Variants in SGPL1 observed in about 807,000 individuals in gnomAD.
The protein encoded by SGPL1 is sphingosine-1-phosphate lyase 1, also known as SP-lyase 1.
A neutral mutation model predicts 68.9 loss-of-function variants in SGPL1; 37 were observed. The ratio of observed to expected loss-of-function variants is 0.54; its 90% CI spans 0.41 to 0.71. The LOEUF is 0.71. Among genes scored for constraint, SGPL1 ranks in the 30% least tolerant of loss-of-function variants. SGPL1 has a pLI of 0.00. For missense variants in SGPL1, 551 were observed against 704.6 expected (o/e 0.78, Z 2.47); for synonymous variants, 236 against 248.5 (o/e 0.95, Z 0.47).
intron 4 of SGPL1, 77 bp from the exon 5 acceptor site, chr10:70,854,630 TG>T: frequency 7.7e-7 from 1 of 1,304,674 alleles, no homozygotes; most frequent in Non-Finnish European, 1.1e-6. Context: ...ATTGAGCAGT[TG>T]CTTGACTGTC....
intron 2 of SGPL1, among the ~76,000 whole-genome samples, chr10:70,830,170 C>A (rs997937987): frequency 1.3e-5 from 2 of 152,158 alleles, no homozygotes; most frequent in African/African-American, 4.8e-5. Context: ...GCTGAAGGGA[C>A]ATTTGGTGAA....
intron 2 of SGPL1, among the ~76,000 whole-genome samples, chr10:70,829,341 G>C (rs1845493529): frequency 6.6e-6 from 1 of 152,172 alleles, no homozygotes; most frequent in Non-Finnish European, 1.5e-5. Context: ...ACCACCGTCT[G>C]TAAGAAAATA....
At chr10:70,844,856 C>T (rs569488362) in intron 3 of SGPL1, among the ~76,000 whole-genome samples, 2 of 152,266 alleles carry the variant, frequency 1.3e-5, no homozygotes, top group East Asian at 3.9e-4. Context: ...TCTCCTACCT[C>T]GGCCTCCCGA....
At chr10:70,851,245 C>G in intron 4 of SGPL1, 35 bp downstream of exon 4, 3 of 1,499,448 alleles carry the variant, frequency 2.0e-6, no homozygotes, top group Non-Finnish European at 2.8e-6. Flanking sequence ...TTTTTCCCCT[C>G]TTGATAATCA....
At position 70,844,657 on chromosome 10, in the gene SGPL1, CTG is replaced by C. The variant is rs1207801414; in HGVS notation, c.193+21_193+22del. On this transcript the variant is annotated intron_variant, in intron 3 of 14. Coordinates refer to ENST00000373202, the MANE Select transcript of SGPL1 (RefSeq NM_003901.4). ...CCAGAGAGTAAGTATGCTGTCTCCT[CTG>C]TAAAGGTATAGTGGTGTGTCACTAG... is the stretch of plus-strand genomic sequence containing the variant. 4 of 1,610,638 alleles carry C rather than the reference CTG, an allele frequency of 2.5e-6. No individual in the cohort carries two copies. The highest frequency in any genetic ancestry group is 3.4e-6 in the Non-Finnish European group (4 of 1,177,760).
At chr10:70,856,289 C>T (rs1326319057) in intron 5 of SGPL1, among the ~76,000 whole-genome samples, 1 of 152,186 alleles carries the variant, frequency 6.6e-6, no homozygotes, top group Non-Finnish European at 1.5e-5. Context: ...AGCCACTGTG[C>T]TCGGCCTTGA....
intron 3 of SGPL1, among the ~76,000 whole-genome samples, chr10:70,850,851 C>T (rs528513387): frequency 1.5e-5 from 2 of 136,134 alleles, no homozygotes; most frequent in South Asian, 4.5e-4. Flanking sequence ...CACGTGTATG[C>T]ATAAGGAAAC....
intron 13 of SGPL1, 22 bp from the exon 14 acceptor site, chr10:70,876,519 C>T (rs775538771): frequency 2.5e-6 from 4 of 1,598,856 alleles, no homozygotes; most frequent in Non-Finnish European, 3.4e-6. Context: ...AGGTTCATCT[C>T]TCTCTGTCTC....
intron 3 of SGPL1, among the ~76,000 whole-genome samples, chr10:70,846,966 T>C (rs2131889327): frequency 6.6e-6 from 1 of 152,278 alleles, no homozygotes; most frequent in Middle Eastern, 3.4e-3. Flanking sequence ...GCTTAGCTAA[T>C]AGTAGAGACA....
Position 70,854,660 on chromosome 10 carries a change from C to G in SGPL1, c.262-48C>G, listed in dbSNP as rs375210859. 357 of 1,554,796 alleles carry G rather than the reference C, an allele frequency of 2.3e-4. 3 individuals carry two copies. Among genetic ancestry groups the G allele is most frequent in the South Asian group, 1.4e-3 (110 of 81,442 alleles). ...GACTGTCATAATAATTCTGCTGTCT[C>G]TACTGTACTCTTGCATCTGGATAAC... On this transcript the variant is annotated intron_variant, in intron 4 of 14. Coordinates refer to ENST00000373202, the MANE Select transcript of SGPL1 (RefSeq NM_003901.4).
intron 7 of SGPL1, among the ~76,000 whole-genome samples, chr10:70,862,540 G>A (rs1378703141): frequency 4.6e-5 from 7 of 152,192 alleles, no homozygotes; most frequent in South Asian, 2.1e-4. Context: ...TTGTTCTTTC[G>A]CTCTTTGCAA....
intron 2 of SGPL1, among the ~76,000 whole-genome samples, chr10:70,844,217 C>T (rs1170645507): frequency 6.6e-6 from 1 of 152,136 alleles, no homozygotes; most frequent in Admixed American, 6.5e-5. Context: ...TCTAGCTTAA[C>T]CCTCTTACTG....
At chr10:70,846,658 A>G (rs1254695833) in intron 3 of SGPL1, among the ~76,000 whole-genome samples, 3 of 152,216 alleles carry the variant, frequency 2.0e-5, no homozygotes, top group Non-Finnish European at 2.9e-5. Flanking sequence ...CAAATGTACT[A>G]CAATTCAAAG....
chr10:70,846,274 C>G (rs1358230704), intron 3 of SGPL1, among the ~76,000 whole-genome samples: 5 of 152,184 alleles, frequency 3.3e-5, no homozygotes, highest in African/African-American at 9.7e-5. Context: ...TGTCCTTCTG[C>G]TCTTGCTTAT....
chr10:70,860,402 TTTTTG>T (rs1168934353), intron 7 of SGPL1: 2 of 469,422 alleles, frequency 4.3e-6, no homozygotes, highest in Admixed American at 2.4e-5. Flanking sequence ...GGAAGCATTG[TTTTTG>T]TTTTGTTTTT....
intron 7 of SGPL1, among the ~76,000 whole-genome samples, chr10:70,861,502 C>T (rs368226143): frequency 2.6e-5 from 4 of 152,164 alleles, no homozygotes; most frequent in East Asian, 1.9e-4. Flanking sequence ...AGCCCTCGCT[C>T]GCTCTCGGCG....
At chr10:70,857,181 G>A in intron 5 of SGPL1, 1 of 171,652 alleles carries the variant, frequency 5.8e-6, no homozygotes, top group Non-Finnish European at 1.2e-5. Flanking sequence ...GCTTTCTTCT[G>A]CCAACTCTGC....
At chr10:70,841,229 G>T (rs1589455381) in intron 2 of SGPL1, among the ~76,000 whole-genome samples, 1 of 152,056 alleles carries the variant, frequency 6.6e-6, no homozygotes, top group East Asian at 1.9e-4. Context: ...TTGGGGAATT[G>T]CAGATAAACT....
chr10:70,868,944 G>C lies in SGPL1; in HGVS notation c.704+511G>C, dbSNP rs368661635. On this transcript the variant is annotated intron_variant, in intron 8 of 14. Transcript: ENST00000373202. Reference sequence around the variant, plus strand: ...CATTGCCTTCCTTGGACATAAATTTGATGTTTAGTTACATTATTTTTTCCT... The same window carrying C: ...CATTGCCTTCCTTGGACATAAATTTCATGTTTAGTTACATTATTTTTTCCT... Among the ~76,000 whole-genome samples the C allele has an allele frequency of 2.0e-5, 3 of 152,258 alleles. No individual in the cohort carries two copies. In the South Asian group the frequency reaches 6.2e-4, roughly 32 times the overall value.
Sources: gnomAD v4.1 joint callset for allele counts (sites outside exome capture counted in the v4.1 genomes callset) on GRCh38, gnomAD v4.1.1 for gene constraint, MANE v1.5 for transcripts, NCBI Gene and HGNC (gene_info 2026-07-23, HGNC 2026-07-21) for gene names.